The following SOHLH1 variants were observed in gnomAD, a reference collection of about 807,000 sequenced individuals.
SOHLH1 encodes the protein spermatogenesis- and oogenesis-specific basic helix-loop-helix-containing protein 1.
In SOHLH1, 23 loss-of-function variants were observed where a neutral mutation model predicts 36.2. The observed-to-expected ratio is 0.64, with a 90% CI of 0.46 to 0.90. SOHLH1 has a LOEUF of 0.90. SOHLH1 is among the 40% of genes least tolerant of loss of function. The pLI is 0.00. For missense variants in SOHLH1, 608 were observed against 517.0 expected (o/e 1.18, Z -1.71); for synonymous variants, 289 against 228.3 (o/e 1.27, Z -2.40).
upstream of SOHLH1, chr9:135,699,542 G>C: frequency 6.7e-7 from 1 of 1,483,874 alleles, no homozygotes; most frequent in Non-Finnish European, 9.2e-7. Flanking sequence ...CGTGTGCTCT[G>C]CCCACCTGCC....
chr9:135,699,773 C>T (rs1834971268), upstream of SOHLH1, among the ~76,000 whole-genome samples: 1 of 152,070 alleles, frequency 6.6e-6, no homozygotes, highest in South Asian at 2.1e-4. Context: ...CCCTTACCTT[C>T]CCGGGGGTCG....
chr9:135,694,933 G>T, intron 6 of SOHLH1, 117 bp downstream of exon 6: 1 of 1,179,298 alleles, frequency 8.5e-7, no homozygotes, highest in Non-Finnish European at 1.2e-6. Flanking sequence ...AAGCAGAGAC[G>T]GAAGCTTCCA....
intron 2 of SOHLH1, among the ~76,000 whole-genome samples, 199 bp downstream of exon 2, chr9:135,698,796 C>T (rs1834911555): frequency 6.6e-6 from 1 of 152,210 alleles, no homozygotes; most frequent in Non-Finnish European, 1.5e-5. Context: ...GAGGCCAAGG[C>T]TTCAGGATAA....
intron 5 of SOHLH1, among the ~76,000 whole-genome samples, chr9:135,695,951 C>T (rs1014612229): frequency 2.0e-5 from 3 of 152,182 alleles, no homozygotes; most frequent in Non-Finnish European, 4.4e-5. Flanking sequence ...GGCGGAAGGG[C>T]AGATGGGGCG....
upstream of SOHLH1, among the ~76,000 whole-genome samples, chr9:135,701,364 C>T (rs1564303766): frequency 6.6e-6 from 1 of 152,236 alleles, no homozygotes; most frequent in Non-Finnish European, 1.5e-5. Flanking sequence ...GGCCCTCCCC[C>T]TGGCCCTCGT....
chr9:135,695,904 A>G (rs762760208), intron 5 of SOHLH1, among the ~76,000 whole-genome samples: 10 of 152,208 alleles, frequency 6.6e-5, no homozygotes, highest in Non-Finnish European at 1.2e-4. Flanking sequence ...CCCCTGGCTC[A>G]CCCCAATTAC....
At chr9:135,699,636 GCC>G, upstream of SOHLH1, 1 of 714,198 alleles carries the variant, frequency 1.4e-6, no homozygotes, top group Non-Finnish European at 2.4e-6. Flanking sequence ...CACGCAGCCA[GCC>G]CGGGGCCCAC....
chr9:135,694,369 AC>A lies in SOHLH1; in HGVS notation c.946+17del. ...GCTTACGCGGGGGGACCAGCCCTGAACCCAGGGCCCCACTCACCCGGCCACG... is the reference window on the plus strand; with the variant it reads ...GCTTACGCGGGGGGACCAGCCCTGAACCAGGGCCCCACTCACCCGGCCACG... On this transcript the variant is annotated intron_variant, in intron 7 of 7. Transcript: ENST00000425225. The A allele has an allele frequency of 6.2e-7, 1 of 1,612,248 alleles. No individual in the cohort carries two copies.
At chr9:135,695,757 C>T (rs1344754517) in intron 5 of SOHLH1, among the ~76,000 whole-genome samples, 2 of 152,146 alleles carry the variant, frequency 1.3e-5, no homozygotes, top group East Asian at 1.9e-4. Context: ...CCAGACGCTA[C>T]CACAGCAGGG....
chr9:135,699,689 C>CG (rs368982728), upstream of SOHLH1, among the ~76,000 whole-genome samples: 4 of 152,218 alleles, frequency 2.6e-5, no homozygotes, highest in South Asian at 2.1e-4. Flanking sequence ...GAAAGGGACT[C>CG]GGGGGGTCCA....
rs779269495 is a variant in SOHLH1 at position 135,698,307 on chromosome 9, G to A, written c.345+22C>T. On this transcript the variant is annotated intron_variant, in intron 3 of 7. Coordinates refer to ENST00000425225, the MANE Select transcript of SOHLH1 (RefSeq NM_001101677.2). ...ATCACCGTGATGCCGGAGGACTGAC[G>A]GCGTCTACCCTTACAACTCACAGCG... is the stretch of plus-strand genomic sequence containing the variant. The A allele has an allele frequency of 9.3e-6, 15 of 1,612,716 alleles. No homozygotes were observed. In the Middle Eastern group the frequency reaches 4.9e-4, roughly 53 times the overall value.
At chr9:135,699,512 C>G (rs372053641), upstream of SOHLH1, 68 of 1,587,834 alleles carry the variant, frequency 4.3e-5, no homozygotes, top group Non-Finnish European at 3.5e-5. Context: ...GCCCCTTCCG[C>G]AGGCAGCCCC....
At chr9:135,698,854 G>A (rs753106859) in intron 2 of SOHLH1, 141 bp downstream of exon 2, 28 of 1,213,952 alleles carry the variant, frequency 2.3e-5, no homozygotes, top group Non-Finnish European at 3.2e-5. Context: ...GGTTTACTTG[G>A]AGATGTGCAG....
intron 4 of SOHLH1, 36 bp downstream of exon 4, chr9:135,697,469 AC>A: frequency 6.3e-7 from 1 of 1,598,448 alleles, no homozygotes; most frequent in Non-Finnish European, 8.5e-7. Context: ...TCCCAGGGTC[AC>A]CCAGCCCTGG....
chr9:135,695,054 C>T lies in SOHLH1; in HGVS notation c.871G>A (p.Ala291Thr), dbSNP rs1201380334. Reference sequence around the variant, plus strand: ...GCACACCACCTGGGCACTCACCCGGCCTCCTGCGCCAGCATGGGGTCCTCC... The same window carrying T: ...GCACACCACCTGGGCACTCACCCGGTCTCCTGCGCCAGCATGGGGTCCTCC... ...AKEDPMLAQE[A>T]GSALGSDVDD... The change falls in exon 6 of 8, where the codon GCC becomes ACC. Residue 291 changes from alanine to threonine, a missense_variant. Coordinates refer to ENST00000425225, the MANE Select transcript of SOHLH1 (RefSeq NM_001101677.2). 2 of 1,592,426 alleles carry T rather than the reference C, an allele frequency of 1.3e-6. No individual in the cohort carries two copies. The highest frequency in any genetic ancestry group is 1.1e-5 in the South Asian group (1 of 87,698).
upstream of SOHLH1, among the ~76,000 whole-genome samples, chr9:135,700,600 G>A (rs537481863): frequency 1.3e-5 from 2 of 152,318 alleles, no homozygotes; most frequent in Admixed American, 6.5e-5. Context: ...ACGTCTGTCC[G>A]GGGTGCCCCA....
In SOHLH1 at chr9:135,695,130, G is replaced by A; in HGVS notation, c.795C>T (p.Gly265=). 2.5e-6 allele frequency: 4 copies of A among 1,597,728 alleles called. No homozygotes were observed. The highest frequency in any genetic ancestry group is 2.6e-6 in the Non-Finnish European group (3 of 1,174,320). Residue 265 remains glycine (G), a synonymous_variant, in exon 6 of 8, where the codon GGC becomes GGT. Transcript: ENST00000425225. The part of the protein sequence containing the change: ...VMSGEALGWL[G]QAGPLAMGAA... ...CCCCCATGGCCAGGGGCCCAGCCTG[G>A]CCCAGCCAGCCAAGGGCCTCCCCGC...
Position 135,695,244 on chromosome 9 carries a change from C to T in SOHLH1, c.681G>A (p.Pro227=), listed in dbSNP as rs1420837600. Reference sequence around the variant, plus strand: ...TAGGAAGACTCCGGCCTGGGGGCCACGGCACCAGGCTGGAAGGTTCTGGGA... The same window carrying T: ...TAGGAAGACTCCGGCCTGGGGGCCATGGCACCAGGCTGGAAGGTTCTGGGA... ...PPFSEPSSLV[P]WPPGRSLPKA... is the part of the protein sequence containing the mutation. Residue 227 remains proline, a synonymous_variant, in exon 6 of 8, where the codon CCG becomes CCA. Transcript: ENST00000425225. The T allele has an allele frequency of 9.4e-6, 15 of 1,598,208 alleles. No individual in the cohort carries two copies. Among genetic ancestry groups the T allele is most frequent in the African/African-American group, 5.3e-5 (4 of 74,892 alleles).
chr9:135,699,349 CCTGGGT>C (rs1834944911), intron 1 of SOHLH1, 48 bp downstream of exon 1: 67 of 1,572,074 alleles, frequency 4.3e-5, no homozygotes, highest in Non-Finnish European at 5.7e-5. Flanking sequence ...CGGAAGAACC[CCTGGGT>C]ACAGGCCTTG....
Sources: allele counts gnomAD v4.1 joint callset (sites outside exome capture counted in the v4.1 genomes callset), GRCh38; gene constraint gnomAD v4.1.1; transcripts MANE v1.5; gene names NCBI Gene and HGNC (gene_info 2026-07-23, HGNC 2026-07-21).